MGA: variants seen among roughly 807,000 people sequenced by gnomAD.
MGA encodes the protein MAX gene-associated protein.
In MGA, 40 loss-of-function variants were observed where a neutral mutation model predicts 261.1. The ratio of observed to expected loss-of-function variants is 0.15; its 90% CI spans 0.12 to 0.20. The LOEUF (loss-of-function observed/expected upper bound fraction) is 0.20. Ranked by LOEUF, MGA falls within the 10% of genes least tolerant of loss-of-function variation. The pLI is 1.00. For synonymous variants in MGA, 1,302 were observed against 1,290.6 expected (o/e 1.01, Z -0.19); for missense variants, 3,397 against 3,630.5 (o/e 0.94, Z 1.65).
chr15:41,753,964 G>A (rs2062996818), intron 17 of MGA, among the ~76,000 whole-genome samples: 1 of 151,976 alleles, frequency 6.6e-6, no homozygotes, highest in Non-Finnish European at 1.5e-5. Flanking sequence ...TGTCTCCCAG[G>A]CTGGTGTGCA....
chr15:41,626,580 G>A (rs1024365238), intron 1 of MGA, among the ~76,000 whole-genome samples: 2 of 151,564 alleles, frequency 1.3e-5, no homozygotes, highest in African/African-American at 2.4e-5. Context: ...GCGCCATCAC[G>A]CCCGGCTAAT....
chr15:41,764,225 ATG>A (rs2063665676), intron 22 of MGA, among the ~76,000 whole-genome samples: 1 of 150,718 alleles, frequency 6.6e-6, no homozygotes, highest in Non-Finnish European at 1.5e-5. Context: ...AGCCCAGTGT[ATG>A]AGCCAAAAAA....
intron 1 of MGA, among the ~76,000 whole-genome samples, chr15:41,635,536 A>T (rs879531082): frequency 7.9e-5 from 12 of 151,972 alleles, no homozygotes; most frequent in South Asian, 2.1e-4. Flanking sequence ...CCTATAAAAA[A>T]TTTTAAAAAA....
rs2060363839 is a variant in MGA at position 41,711,149 on chromosome 15, A to G, written c.2884A>G (p.Asn962Asp). The stretch of plus-strand genomic sequence containing the variant: ...CTTTGTTGTGCCAACTTTGGATGAA[A>G]ATATATTTCCAAAGCAGATTAGTTT... Residue 962 changes from asparagine (N) to aspartate (D), a missense_variant, in exon 8 of 24, where the codon AAT becomes GAT. Around this residue, in one of 9 missense-constraint regions of MGA, gnomAD observed 519 missense variants for 554.1 expected, o/e 0.94. Transcript: ENST00000219905. 1 of 1,614,042 alleles carries G rather than the reference A, an allele frequency of 6.2e-7. No individual in the cohort carries two copies. The highest frequency in any genetic ancestry group is 1.1e-5 in the South Asian group (1 of 91,086).
rs1202852746 is a variant in MGA at position 41,727,404 on chromosome 15, G to T, written c.3655G>T (p.Val1219Leu). The T allele has an allele frequency of 6.2e-7, 1 of 1,610,894 alleles. No homozygotes were observed. The highest frequency in any genetic ancestry group is 2.2e-5 in the East Asian group (1 of 44,826). Residue 1219 changes from valine to leucine, a missense_variant and splice_region_variant, in exon 10 of 24, where the codon GTG becomes TTG. Transcript: ENST00000219905. ...GTCATATACTCCCAAACCCAATCCTGTGGTAAGTCTGGAATTTAATCTTTT... is the reference window on the plus strand; with the variant it reads ...GTCATATACTCCCAAACCCAATCCTTTGGTAAGTCTGGAATTTAATCTTTT...
Position 41,669,858 on chromosome 15 carries a change from G to A in MGA, c.964G>A (p.Glu322Lys), listed in dbSNP as rs751032114. The A allele has an allele frequency of 3.7e-6, 6 of 1,613,880 alleles. No homozygotes were observed. In the African/African-American group the frequency reaches 6.7e-5, roughly 18 times the overall value. ...TCATGAAACATCAGGCAAGGGTTTGGAGAAGACTTCCCTTAATATAAAACG... is the reference window on the plus strand; with the variant it reads ...TCATGAAACATCAGGCAAGGGTTTGAAGAAGACTTCCCTTAATATAAAACG... The change falls in exon 2 of 24, where the codon GAG becomes AAG. Residue 322 changes from glutamate to lysine, a missense_variant. Around this residue, in one of 9 missense-constraint regions of MGA, gnomAD observed 563 missense variants for 563.6 expected, o/e 1.00. Transcript: ENST00000219905.
chr15:41,700,336 G>T (rs2059781096), intron 5 of MGA, among the ~76,000 whole-genome samples: 1 of 151,988 alleles, frequency 6.6e-6, no homozygotes, highest in Non-Finnish European at 1.5e-5. Flanking sequence ...GTGAGCCACC[G>T]CGCCCGGCCC....
intron 9 of MGA, among the ~76,000 whole-genome samples, chr15:41,722,455 A>G (rs1307455211): frequency 6.6e-6 from 1 of 152,024 alleles, no homozygotes; most frequent in Admixed American, 6.6e-5. Context: ...AAGGTATGAT[A>G]TTTAGGTGTT....
At chr15:41,635,841 G>A (rs2056692268) in intron 1 of MGA, among the ~76,000 whole-genome samples, 1 of 152,148 alleles carries the variant, frequency 6.6e-6, no homozygotes, top group African/African-American at 2.4e-5. Context: ...CATAGTGATA[G>A]GGTAGCTGTT....
chr15:41,656,363 T>TCTCTCTC (rs1555403750), upstream of MGA, among the ~76,000 whole-genome samples: 35 of 137,366 alleles, frequency 2.5e-4, no homozygotes, highest in Non-Finnish European at 4.7e-4. Flanking sequence ...TCTCTCTCTC[T>TCTCTCTC]CTCTCTCTCT....
chr15:41,661,501 C>T (rs2150826796), intron 1 of MGA, among the ~76,000 whole-genome samples: 1 of 152,250 alleles, frequency 6.6e-6, no homozygotes, highest in South Asian at 2.1e-4. Flanking sequence ...GGAATGCCTT[C>T]TTTCTCTGGC....
intron 11 of MGA, among the ~76,000 whole-genome samples, chr15:41,732,742 C>G (rs1384342989): frequency 6.6e-6 from 1 of 152,158 alleles, no homozygotes; most frequent in Non-Finnish European, 1.5e-5. Flanking sequence ...TCATTATTAT[C>G]TGCTCAGAAC....
At chr15:41,701,444 A>G (rs200433216) in intron 5 of MGA, among the ~76,000 whole-genome samples, 2 of 152,068 alleles carry the variant, frequency 1.3e-5, no homozygotes, top group East Asian at 1.9e-4. Context: ...TCTTTCTTTT[A>G]TAGACATCTT....
intron 9 of MGA, among the ~76,000 whole-genome samples, chr15:41,726,530 A>G (rs1051509209): frequency 3.3e-5 from 5 of 152,096 alleles, no homozygotes; most frequent in African/African-American, 1.2e-4. Flanking sequence ...GGAGTTCGAG[A>G]CCAGCCTGGC....
rs188109523 is a variant in MGA at position 41,650,181 on chromosome 15, G to T, written c.-67-18647G>T. Among the ~76,000 whole-genome samples, 9 of 152,270 alleles carry T rather than the reference G, an allele frequency of 5.9e-5. No individual in the cohort carries two copies. The East Asian group carries it at 1.7e-3, about 29-fold the overall frequency. The stretch of plus-strand genomic sequence containing the variant: ...GATAATAGTTGTCTGATAATTGATG[G>T]TAAGCTTTTGAGGGTAGGAATCATG... On this transcript the variant is annotated intron_variant, in intron 1 of 8. Coordinates refer to the MGA transcript ENST00000566718.
intron 20 of MGA, 113 bp downstream of exon 20, chr15:41,760,642 G>A: frequency 9.8e-7 from 1 of 1,018,900 alleles, no homozygotes; most frequent in Non-Finnish European, 1.4e-6. Flanking sequence ...CTGCTTAAAT[G>A]TAACAGATGA....
intron 14 of MGA, among the ~76,000 whole-genome samples, chr15:41,742,225 T>C (rs768733451): frequency 1.5e-4 from 22 of 151,316 alleles, no homozygotes; most frequent in Middle Eastern, 3.4e-3. Flanking sequence ...TTGTCTCTAC[T>C]AAAAATACAA....
chr15:41,745,175 C>T (rs1567069996), intron 15 of MGA, among the ~76,000 whole-genome samples: 1 of 151,266 alleles, frequency 6.6e-6, no homozygotes, highest in Non-Finnish European at 1.5e-5. Context: ...GCCACAGCGC[C>T]TGGCTGTAAA....
intron 2 of MGA, among the ~76,000 whole-genome samples, chr15:41,692,145 G>A (rs1214224886): frequency 6.6e-6 from 1 of 152,042 alleles, no homozygotes; most frequent in African/African-American, 2.4e-5. Context: ...TTCAGTCTAG[G>A]TGATTTCAAG....
Sources: allele counts gnomAD v4.1 joint callset (sites outside exome capture counted in the v4.1 genomes callset), GRCh38; gene constraint gnomAD v4.1.1; regional missense constraint gnomAD v4.1.1; transcripts MANE v1.5; gene names NCBI Gene and HGNC (gene_info 2026-07-23, HGNC 2026-07-21).